The following HRAS variants were observed in gnomAD, a reference collection of about 807,000 sequenced individuals.
HRAS encodes the protein GTPase HRas.
A neutral mutation model predicts 19.8 loss-of-function variants in HRAS; 11 were observed. That is an observed-to-expected ratio of 0.55 (90% CI 0.35 to 0.92). The LOEUF is 0.92. HRAS is among the 40% of genes least tolerant of loss of function. The pLI is 0.01. For missense variants in HRAS, 204 were observed against 255.9 expected (o/e 0.80, Z 1.38); for synonymous variants, 149 against 105.5 (o/e 1.41, Z -2.52).
At chr11:534,178 G>T in intron 2 of HRAS, 34 bp downstream of exon 2, 2 of 1,540,026 alleles carry the variant, frequency 1.3e-6, no homozygotes, top group Non-Finnish European at 1.8e-6. Context: ...GCCCGCAGCA[G>T]CTGCTGGCAC....
rs1851163718 is a variant in HRAS, at chr11:532,528, C to T, written c.*6-6G>A. ...CTCCATGTCCTGAGCTTGTGCTGGGCGGGGCACAAGGGAGGCTGCTGACCG... is the reference window on the plus strand; with the variant it reads ...CTCCATGTCCTGAGCTTGTGCTGGGTGGGGCACAAGGGAGGCTGCTGACCG... On this transcript the variant is annotated splice_region_variant and splice_polypyrimidine_tract_variant and intron_variant, in intron 5 of 5. Coordinates refer to ENST00000311189, the MANE Select transcript of HRAS (RefSeq NM_005343.4). 6.9e-6 allele frequency: 10 copies of T among 1,452,474 alleles called. No individual in the cohort carries two copies. The East Asian group carries it at 9.8e-5, about 14-fold the overall frequency. 90.0% of individuals were successfully genotyped at this position (1,452,474 alleles called of 1,614,324 possible).
Position 533,479 on chromosome 11 carries a change from T to C in HRAS, c.424A>G (p.Ile142Val), listed in dbSNP as rs1564788848. ...TGCCGGGTCTTGGCCGAGGTCTCGA[T>C]GTAGGGGATGCCGTAGCTTCGGGCG... Reference protein sequence around the residue: ...DLARSYGIPYIETSAKTRQGV... With the variant: ...DLARSYGIPYVETSAKTRQGV... Residue 142 changes from isoleucine to valine, a missense_variant, in exon 4 of 6, where the codon ATC (isoleucine) becomes GTC (valine). This residue lies in a region of HRAS where 142 missense variants were observed against 141.1 expected (regional missense o/e 1.01). Coordinates refer to ENST00000311189, the MANE Select transcript of HRAS (RefSeq NM_005343.4). The C allele has an allele frequency of 3.7e-6, 6 of 1,613,420 alleles. No individual in the cohort carries two copies. The highest frequency in any genetic ancestry group is 1.1e-5 in the South Asian group (1 of 91,086).
chr11:534,459 C>T (rs1210995356), intron 1 of HRAS, 84 bp from the exon 2 acceptor site: 2 of 690,302 alleles, frequency 2.9e-6, no homozygotes, highest in Non-Finnish European at 5.0e-6. Context: ...ATCTGAAGGG[C>T]AAACCCACAG....
At chr11:533,735 T>G (rs560393669) in intron 3 of HRAS, 31 bp downstream of exon 3, 6 of 1,612,510 alleles carry the variant, frequency 3.7e-6, no homozygotes, top group Middle Eastern at 1.6e-4. Context: ...CTGTGCGGCG[T>G]GGGCTCCCGG....
Position 533,776 on chromosome 11 carries a change from G to A in HRAS, c.280C>T (p.His94Tyr), listed in dbSNP as rs144718261. 10 of 1,613,196 alleles carry A rather than the reference G, an allele frequency of 6.2e-6. No individual in the cohort carries two copies. In the African/African-American group the frequency reaches 1.1e-4, roughly 17 times the overall value. Residue 94 changes from histidine (H) to tyrosine (Y), a missense_variant, in exon 3 of 6, where the codon CAC becomes TAC. Physicochemically the swap from His to Tyr is moderately conservative, Grantham distance 83. Around this residue, in one of 4 missense-constraint regions of HRAS, gnomAD observed 142 missense variants for 141.1 expected, o/e 1.01. Coordinates refer to ENST00000311189, the MANE Select transcript of HRAS (RefSeq NM_005343.4). ...CCTCACGGGGTTCACCTGTACTGGT[G>A]GATGTCCTCAAAAGACTTGGTGTTG... ...INNTKSFEDI[H>Y]QYREQIKRVK...
chr11:532,897 G>A (rs922077630), intron 4 of HRAS, 142 bp from the exon 5 acceptor site: 93 of 838,406 alleles, frequency 1.1e-4, no homozygotes, highest in African/African-American at 2.0e-4. Context: ...CCACACACAC[G>A]GGAAGCTGGA....
intron 4 of HRAS, chr11:533,229 AC>A (rs1851215635): frequency 6.8e-7 from 1 of 1,472,464 alleles, no homozygotes; most frequent in African/African-American, 1.4e-5. Flanking sequence ...GTGAGCCCAG[AC>A]CCCGGCCCTC....
rs45592334 is a variant in HRAS at position 532,310 on chromosome 11, G to A, written c.*218C>T. The stretch of plus-strand genomic sequence containing the variant: ...CAAGGGCCCACAGAGGCCTGGGAGG[G>A]GAGCTAAGGGCTGGGGTTCCGGTGG... On this transcript the variant is annotated 3_prime_UTR_variant, in exon 6 of 6. Transcript: ENST00000311189. 2,672 of 495,004 alleles carry A rather than the reference G, an allele frequency of 5.4e-3. 15 individuals are homozygous for A. The highest frequency in any genetic ancestry group is 7.4e-3 in the Non-Finnish European group (1,992 of 270,408). The allele number at this position is 495,004 out of a possible 1,614,324, so 30.7% of individuals were successfully genotyped here.
At chr11:534,686 G>A (rs1219796067) in intron 1 of HRAS, 9 of 356,846 alleles carry the variant, frequency 2.5e-5, no homozygotes, top group Non-Finnish European at 4.8e-5. Flanking sequence ...AAAGGCTAAA[G>A]GGAGGCGCCC....
In HRAS at chr11:532,518, T is replaced by A. The variant is rs1851163066; in HGVS notation, c.*10A>T. Reference sequence around the variant, plus strand: ...CATCCGGCACCTCCATGTCCTGAGCTTGTGCTGGGCGGGGCACAAGGGAGG... The same window carrying A: ...CATCCGGCACCTCCATGTCCTGAGCATGTGCTGGGCGGGGCACAAGGGAGG... On this transcript the variant is annotated 3_prime_UTR_variant, in exon 6 of 6. Coordinates refer to ENST00000311189, the MANE Select transcript of HRAS (RefSeq NM_005343.4). 2.9e-6 allele frequency: 4 copies of A among 1,397,276 alleles called. No homozygotes were observed. The highest frequency in any genetic ancestry group is 3.9e-6 in the Non-Finnish European group (4 of 1,024,884). The allele number at this position is 1,397,276 out of a possible 1,614,324, so 86.6% of individuals were successfully genotyped here.
intron 2 of HRAS, 96 bp from the exon 3 acceptor site, chr11:534,040 C>T (rs944477688): frequency 1.5e-6 from 2 of 1,375,140 alleles, no homozygotes; most frequent in South Asian, 1.2e-5. Flanking sequence ...GCCCCTCATG[C>T]CCCCTCCTCT....
At position 533,526 on chromosome 11, in the gene HRAS, T is replaced by G; in HGVS notation, c.377A>C (p.Glu126Ala). 1 of 1,613,778 alleles carries G rather than the reference T, an allele frequency of 6.2e-7. No homozygotes were observed. The highest frequency in any genetic ancestry group is 8.5e-7 in the Non-Finnish European group (1 of 1,179,982). Residue 126 changes from glutamate to alanine, a missense_variant, in exon 4 of 6, where the codon GAA becomes GCA. By Grantham distance (107) the Glu-to-Ala change is moderately radical. Coordinates refer to ENST00000311189, the MANE Select transcript of HRAS (RefSeq NM_005343.4). Reference sequence around the variant, plus strand: ...GGCGAGGTCCTGAGCCTGCCGAGATTCCACAGTGCGTGCAGCCAGGTCACA... The same window carrying G: ...GGCGAGGTCCTGAGCCTGCCGAGATGCCACAGTGCGTGCAGCCAGGTCACA... ...NKCDLAARTV[E>A]SRQAQDLARS...
At chr11:532,875 T>TC in intron 4 of HRAS, 120 bp from the exon 5 acceptor site, 2 of 972,860 alleles carry the variant, frequency 2.1e-6, no homozygotes, top group Non-Finnish European at 3.2e-6. Context: ...ACCAGCCACT[T>TC]CCCCAGGCCC....
rs1851443977 is a variant in HRAS, at chr11:535,536, TGCGGGCGCAGGGC to T, written c.-187_-175del. 6.8e-6 allele frequency: 1 copy of T among 147,652 alleles called. No homozygotes were observed. Among genetic ancestry groups the T allele is most frequent in the East Asian group, 2.0e-4 (1 of 5,026 alleles). The allele number at this position is 147,652 out of a possible 1,614,324, so 9.1% of individuals were successfully genotyped here. A position where few individuals can be genotyped will look rare whatever the true frequency, so the allele number is the denominator to read the frequency against. The stretch of plus-strand genomic sequence containing the variant: ...CGTCCGCGGCGGGTGCGGCTCGGGT[TGCGGGCGCAGGGC>T]ACGGGCGGCGGAGACTCGGGCGGGC... On this transcript the variant is annotated 5_prime_UTR_variant, in exon 1 of 6. Coordinates refer to ENST00000311189, the MANE Select transcript of HRAS (RefSeq NM_005343.4).
At position 533,542 on chromosome 11, in the gene HRAS, C is replaced by G. The variant is rs1851245429; in HGVS notation, c.361G>C (p.Ala121Pro). 6.2e-7 allele frequency: 1 copy of G among 1,613,886 alleles called. No individual in the cohort carries two copies. The highest frequency in any genetic ancestry group is 8.5e-7 in the Non-Finnish European group (1 of 1,180,002). The change falls in exon 4 of 6, where the codon GCT becomes CCT. Residue 121 changes from alanine to proline, a missense_variant. Physicochemically the swap from Ala to Pro is conservative, Grantham distance 27. Coordinates refer to ENST00000311189, the MANE Select transcript of HRAS (RefSeq NM_005343.4). ...MVLVGNKCDL[A>P]ARTVESRQAQ... ...TGCCGAGATTCCACAGTGCGTGCAG[C>G]CAGGTCACACTTGTTCCCCACCAGC...
chr11:533,599 G>T lies in HRAS; in HGVS notation c.304C>A (p.Arg102=), dbSNP rs1057517913. The T allele has an allele frequency of 1.2e-6, 2 of 1,613,834 alleles. No individual in the cohort carries two copies. Among genetic ancestry groups the T allele is most frequent in the African/African-American group, 2.7e-5 (2 of 75,036 alleles). ...DIHQYREQIK[R]VKDSDDVPMV... ...GGCACGTCATCCGAGTCCTTCACCCGTTTGATCTGCTCCCTGAGAGGTGGA... is the reference window on the plus strand; with the variant it reads ...GGCACGTCATCCGAGTCCTTCACCCTTTTGATCTGCTCCCTGAGAGGTGGA... Residue 102 remains arginine (R), a synonymous_variant, in exon 4 of 6, where the codon CGG becomes AGG. Transcript: ENST00000311189.
chr11:533,092 T>G lies in HRAS; in HGVS notation c.451-337A>C, dbSNP rs987604168. Among the ~76,000 whole-genome samples the G allele has an allele frequency of 6.6e-5, 10 of 152,238 alleles. No homozygotes were observed. In the South Asian group the frequency reaches 1.0e-3, roughly 16 times the overall value. On this transcript the variant is annotated intron_variant, in intron 4 of 5. Coordinates refer to ENST00000311189, the MANE Select transcript of HRAS (RefSeq NM_005343.4). ...CCCACTAAGACTCAGAACCAACAGG[T>G]GCCCGTGGGACACTCTGGGGACAAG...
In HRAS at chr11:534,156, T is replaced by C; in HGVS notation, c.111+56A>G. 6 of 1,398,640 alleles carry C rather than the reference T, an allele frequency of 4.3e-6. 1 individual carries two copies. In the Middle Eastern group the frequency reaches 5.3e-4, roughly 123 times the overall value. 86.6% of individuals were successfully genotyped at this position (1,398,640 alleles called of 1,614,324 possible). On this transcript the variant is annotated intron_variant, in intron 2 of 5. Transcript: ENST00000311189. ...GCTGCAGCCAGCCCTATCCTGGCTG[T>C]GTCCTGGGCTCGCCCGCAGCAGCTG...
chr11:535,005 G>A (rs1410984753), intron 1 of HRAS, among the ~76,000 whole-genome samples: 3 of 152,322 alleles, frequency 2.0e-5, no homozygotes, highest in Non-Finnish European at 2.9e-5. Context: ...CCCGGAGAGG[G>A]AAAAGGCACT....
Sources: allele counts gnomAD v4.1 joint callset (sites outside exome capture counted in the v4.1 genomes callset), GRCh38; gene constraint gnomAD v4.1.1; regional missense constraint gnomAD v4.1.1; transcripts MANE v1.5; gene names NCBI Gene and HGNC (gene_info 2026-07-23, HGNC 2026-07-21).